The following PSIP1 variants were observed in gnomAD, a reference collection of about 807,000 sequenced individuals.
The protein encoded by PSIP1 is PC4 and SFRS1-interacting protein.
PSIP1 carries 19 observed loss-of-function variants against 74.7 expected under a neutral mutation model. The ratio of observed to expected loss-of-function variants is 0.25; its 90% CI spans 0.18 to 0.37. PSIP1 has a LOEUF of 0.37. Ranked by LOEUF, PSIP1 falls within the 10% of genes least tolerant of loss-of-function variation. The probability of loss-of-function intolerance (pLI) is 1.00; values close to 1 mark genes in which losing one functional copy is unlikely to be tolerated. For missense variants in PSIP1, 601 were observed against 614.3 expected, an observed-to-expected ratio of 0.98 and a Z score of 0.23; for synonymous variants, 222 against 195.3, an observed-to-expected ratio of 1.14 and a Z score of -1.14.
At chr9:15,478,127 T>TTA (rs2036174600) in intron 8 of PSIP1, among the ~76,000 whole-genome samples, 1 of 108,228 alleles carries the variant, frequency 9.2e-6, no homozygotes, top group African/African-American at 3.4e-5. Context: ...ACCCCATCTT[T>TTA]AAAAAAAAAA....
At chr9:15,489,305 T>A (rs1214919643) in intron 4 of PSIP1, 2 of 152,048 alleles carry the variant, frequency 1.3e-5, no homozygotes, top group Non-Finnish European at 2.9e-5. Flanking sequence ...CCAATACAAT[T>A]CTATGGATTT....
At chr9:15,470,736 T>G (rs2035788357) in intron 10 of PSIP1, 52 of 961,120 alleles carry the variant, frequency 5.4e-5, no homozygotes, top group Non-Finnish European at 6.5e-5. Flanking sequence ...AAACATTTAT[T>G]AAGATTCTAA....
Position 15,497,731 on chromosome 9 carries a change from A to C in PSIP1, c.150-7607T>G, listed in dbSNP as rs116399972. On this transcript the variant is annotated intron_variant, in intron 3 of 15. Coordinates refer to ENST00000380733, the MANE Select transcript of PSIP1 (RefSeq NM_033222.5). ...TAGAAATGGAAAGTAAATGCTAATGAATACATGGTTTCTTTTTGGAGAAAT... is the reference window on the plus strand; with the variant it reads ...TAGAAATGGAAAGTAAATGCTAATGCATACATGGTTTCTTTTTGGAGAAAT... Among the ~76,000 whole-genome samples, 522 of 152,286 alleles carry C rather than the reference A, an allele frequency of 3.4e-3. 3 individuals are homozygous for C. Among genetic ancestry groups the C allele is most frequent in the African/African-American group, 0.012 (512 of 41,556 alleles).
In PSIP1 at chr9:15,493,636, C is replaced by T. The variant is rs1176459729; in HGVS notation, c.150-3512G>A. ...AAGAGGTTTAATTGACTCAAAGTTC[C>T]GCATGGCTGGGGAGGCCTCAGGAAA... On this transcript the variant is annotated intron_variant, in intron 3 of 15. Transcript: ENST00000380733. 3.3e-5 allele frequency among the ~76,000 whole-genome samples: 5 copies of T among 152,142 alleles called. No individual in the cohort carries two copies. In the East Asian group the frequency reaches 5.8e-4, roughly 18 times the overall value.
intron 9 of PSIP1, among the ~76,000 whole-genome samples, chr9:15,473,800 C>T (rs1360661910): frequency 6.6e-6 from 1 of 151,204 alleles, no homozygotes; most frequent in African/African-American, 2.4e-5. Flanking sequence ...ACTCAGGAGG[C>T]TAAGGCTGGA....
At chr9:15,492,896 G>C (rs957197786) in intron 3 of PSIP1, among the ~76,000 whole-genome samples, 7 of 152,178 alleles carry the variant, frequency 4.6e-5, no homozygotes, top group African/African-American at 1.7e-4. Context: ...GGAGCAGCTG[G>C]GACACAGGGC....
At chr9:15,503,443 A>C (rs1462533788) in intron 3 of PSIP1, among the ~76,000 whole-genome samples, 3 of 151,918 alleles carry the variant, frequency 2.0e-5, no homozygotes, top group Admixed American at 6.6e-5. Flanking sequence ...GATCACTTGA[A>C]ACCAGGCGTT....
chr9:15,508,739 T>A (rs2037714474), intron 2 of PSIP1, among the ~76,000 whole-genome samples: 1 of 152,190 alleles, frequency 6.6e-6, no homozygotes, highest in Non-Finnish European at 1.5e-5. Flanking sequence ...GTTTTATAGG[T>A]GCATCATATA....
At chr9:15,472,323 A>G (rs1011896663) in intron 10 of PSIP1, 140 of 1,117,716 alleles carry the variant, frequency 1.3e-4, no homozygotes, top group Non-Finnish European at 1.5e-4. Flanking sequence ...TATATGTATT[A>G]TATTATACAA....
intron 2 of PSIP1, 117 bp from the exon 3 acceptor site, chr9:15,506,754 C>T: frequency 1.4e-6 from 1 of 717,390 alleles, no homozygotes; most frequent in Non-Finnish European, 2.1e-6. Flanking sequence ...GCCAGTTCTG[C>T]AGGCCCATAA....
intron 3 of PSIP1, among the ~76,000 whole-genome samples, chr9:15,497,547 G>C (rs1183521699): frequency 6.6e-6 from 1 of 151,730 alleles, no homozygotes; most frequent in South Asian, 2.1e-4. Flanking sequence ...GGCTGGTCTC[G>C]AACTCCTGAC....
At position 15,468,940 on chromosome 9, in the gene PSIP1, G is replaced by T. The variant is rs1354669838; in HGVS notation, c.1206+17C>A. The T allele has an allele frequency of 1.2e-6, 2 of 1,609,074 alleles. No homozygotes were observed. Among genetic ancestry groups the T allele is most frequent in the South Asian group, 1.1e-5 (1 of 90,340 alleles). The stretch of plus-strand genomic sequence containing the variant: ...ATGACAAAATTCAAAGAATCCACAT[G>T]ACTTGAAATCACTTACTTTTTTCAG... On this transcript the variant is annotated intron_variant, in intron 13 of 15. Transcript: ENST00000380733.
At chr9:15,477,472 C>T (rs1266932553) in intron 8 of PSIP1, among the ~76,000 whole-genome samples, 1 of 152,124 alleles carries the variant, frequency 6.6e-6, no homozygotes, top group African/African-American at 2.4e-5. Context: ...TTGAAACATA[C>T]CAATTCTCTA....
chr9:15,469,197 TC>T (rs2035742798), intron 12 of PSIP1, 68 bp downstream of exon 12: 2 of 1,322,360 alleles, frequency 1.5e-6, no homozygotes, highest in African/African-American at 1.5e-5. Flanking sequence ...ACTCATAAGA[TC>T]ATGTGAGAAA....
chr9:15,477,923 A>C (rs2036160915), intron 8 of PSIP1, among the ~76,000 whole-genome samples: 1 of 151,892 alleles, frequency 6.6e-6, no homozygotes, highest in Non-Finnish European at 1.5e-5. Context: ...GAATCGTTTG[A>C]GCCCAGGAGT....
intron 10 of PSIP1, 120 bp downstream of exon 10, chr9:15,472,512 A>G: frequency 6.9e-7 from 1 of 1,448,264 alleles, no homozygotes; most frequent in Non-Finnish European, 9.0e-7. Flanking sequence ...TTTCTAACAC[A>G]TGGGAAAAGT....
At chr9:15,488,716 C>A (rs1391352033) in intron 4 of PSIP1, among the ~76,000 whole-genome samples, 3 of 152,118 alleles carry the variant, frequency 2.0e-5, no homozygotes, top group Non-Finnish European at 2.9e-5. Flanking sequence ...GAAACCCCGT[C>A]TCTACTAAAA....
intron 8 of PSIP1, among the ~76,000 whole-genome samples, chr9:15,476,815 TAA>T (rs2036106236): frequency 1.3e-5 from 2 of 152,098 alleles, no homozygotes; most frequent in Non-Finnish European, 2.9e-5. Context: ...CAAAAGAAAG[TAA>T]GTGAGATGAG....
chr9:15,466,806 G>T lies in PSIP1; in HGVS notation c.1474C>A (p.His492Asn). Residue 492 changes from histidine to asparagine, a missense_variant, in exon 15 of 16, where the codon CAT (histidine) becomes AAT (asparagine). By Grantham distance (68) the His-to-Asn change is moderately conservative (BLOSUM62 1). Around this residue, in one of 2 missense-constraint regions of PSIP1, gnomAD observed 538 missense variants for 507.6 expected, o/e 1.06. Coordinates refer to ENST00000380733, the MANE Select transcript of PSIP1 (RefSeq NM_033222.5). The part of the protein sequence containing the change: ...SDAQDGNQPQ[H>N]NGESNEDSKD... Reference sequence around the variant, plus strand: ...CTGTCTTCATTGCTCTCCCCGTTATGTTGTGGCTGATTACCATCTTGAGCA... The same window carrying T: ...CTGTCTTCATTGCTCTCCCCGTTATTTTGTGGCTGATTACCATCTTGAGCA... 1.2e-6 allele frequency: 2 copies of T among 1,613,362 alleles called. No individual in the cohort carries two copies. The highest frequency in any genetic ancestry group is 1.1e-5 in the South Asian group (1 of 90,914).
Sources: allele counts gnomAD v4.1 joint callset (sites outside exome capture counted in the v4.1 genomes callset), GRCh38; gene constraint gnomAD v4.1.1; regional missense constraint gnomAD v4.1.1; transcripts MANE v1.5; gene names NCBI Gene and HGNC (gene_info 2026-07-23, HGNC 2026-07-21).